The following POSTN variants were observed in gnomAD, a reference collection of about 807,000 sequenced individuals.
POSTN encodes the protein osteoblast specific factor 2 (fasciclin I-like).
In POSTN, 71 loss-of-function variants were observed where a neutral mutation model predicts 104.5. The ratio of observed to expected loss-of-function variants is 0.68; its 90% CI spans 0.56 to 0.83. The LOEUF (loss-of-function observed/expected upper bound fraction) is 0.83, where lower values mean the gene tolerates loss of function less well. POSTN is among the 40% of genes least tolerant of loss of function. The probability of loss-of-function intolerance (pLI) is 0.00; values close to 1 mark genes in which losing one functional copy is unlikely to be tolerated. For synonymous variants in POSTN, 355 were observed against 340.7 expected (o/e 1.04, Z -0.46); for missense variants, 949 against 1,006.8 (o/e 0.94, Z 0.78).
At chr13:37,592,192 A>G (rs1287678837) in intron 2 of POSTN, 28 bp from the exon 3 acceptor site, 1 of 1,324,952 alleles carries the variant, frequency 7.5e-7, no homozygotes, top group Admixed American at 1.9e-5. Context: ...ATTAATATTA[A>G]AATGAGAAAC....
In POSTN at chr13:37,574,601, C is replaced by T. The variant is rs777855935; in HGVS notation, c.2060G>A (p.Gly687Asp). 1.1e-5 allele frequency: 17 copies of T among 1,598,094 alleles called. No homozygotes were observed. The highest frequency in any genetic ancestry group is 1.8e-4 in the Middle Eastern group (1 of 5,434). The change falls in exon 17 of 23, where the codon GGC becomes GAC. Residue 687 changes from glycine (G) to aspartate (D), a missense_variant. By Grantham distance (94) the Gly-to-Asp change is moderately conservative. Coordinates refer to ENST00000379747, the MANE Select transcript of POSTN (RefSeq NM_006475.3). ...AGTTTTGATAATAGGCTGAAGACTG[C>T]CTTCAATCACTTTAATTTTTGGTTC... ...VVEPKIKVIE[G>D]SLQPIIKTEG...
Position 37,574,371 on chromosome 13 carries a change from A to G in POSTN, c.2089+201T>C, listed in dbSNP as rs552916089. 2.0e-5 allele frequency among the ~76,000 whole-genome samples: 3 copies of G among 152,000 alleles called. No homozygotes were observed. In the South Asian group the frequency reaches 6.2e-4, roughly 31 times the overall value. On this transcript the variant is annotated intron_variant, in intron 17 of 22. Transcript: ENST00000379747. Reference sequence around the variant, plus strand: ...ATCAAGTACAAGCAAATGTACTGAAAGTATTAGGAATGCATCATCTACTTT... The same window carrying G: ...ATCAAGTACAAGCAAATGTACTGAAGGTATTAGGAATGCATCATCTACTTT...
In POSTN at chr13:37,579,108, A is replaced by G; in HGVS notation, c.1805T>C (p.Leu602Pro). 1 of 1,612,796 alleles carries G rather than the reference A, an allele frequency of 6.2e-7. No individual in the cohort carries two copies. Among genetic ancestry groups the G allele is most frequent in the Non-Finnish European group, 8.5e-7 (1 of 1,179,328 alleles). Reference protein sequence around the residue: ...KIFLKEVNDTLLVNELKSKES... With the variant: ...KIFLKEVNDTPLVNELKSKES... ...TTTTGATTTCAATTCATTCACCAGA[A>G]GTGTATCATTTACCTATCAAAATAG... The change falls in exon 14 of 23, where the codon CTT becomes CCT. Residue 602 changes from leucine to proline, a missense_variant. Physicochemically the swap from Leu to Pro is moderately conservative, Grantham distance 98. Transcript: ENST00000379747.
At chr13:37,575,009 A>G (rs2138219223) in intron 16 of POSTN, among the ~76,000 whole-genome samples, 1 of 152,168 alleles carries the variant, frequency 6.6e-6, no homozygotes, top group East Asian at 1.9e-4. Context: ...AAATATGATT[A>G]ATGTCATGCA....
chr13:37,577,391 G>A (rs1301316681), intron 16 of POSTN, among the ~76,000 whole-genome samples: 3 of 152,156 alleles, frequency 2.0e-5, no homozygotes, highest in Admixed American at 2.0e-4. Flanking sequence ...TGAACAACAA[G>A]TCTTGGCTAA....
intron 2 of POSTN, among the ~76,000 whole-genome samples, 178 bp downstream of exon 2, chr13:37,597,006 A>G (rs562386451): frequency 2.0e-4 from 31 of 152,302 alleles, no homozygotes; most frequent in African/African-American, 7.2e-4. Flanking sequence ...TAATAGTAAT[A>G]TTGGAGATGC....
intron 17 of POSTN, 58 bp from the exon 18 acceptor site, chr13:37,571,516 G>A (rs913927456): frequency 2.3e-5 from 29 of 1,270,520 alleles, no homozygotes; most frequent in African/African-American, 7.5e-5. Context: ...TAAATTTACC[G>A]GAATAGGACA....
chr13:37,582,065 T>G (rs774388416), intron 10 of POSTN, among the ~76,000 whole-genome samples: 2 of 152,236 alleles, frequency 1.3e-5, no homozygotes, highest in Non-Finnish European at 2.9e-5. Flanking sequence ...TAAAGTACTC[T>G]GCAAAGGAAA....
intron 21 of POSTN, among the ~76,000 whole-genome samples, chr13:37,567,928 A>G (rs1950163343): frequency 6.6e-6 from 1 of 152,272 alleles, no homozygotes; most frequent in African/African-American, 2.4e-5. Context: ...AAGCAATATA[A>G]ACTGATGCAG....
intron 2 of POSTN, among the ~76,000 whole-genome samples, chr13:37,593,869 T>C (rs1278682028): frequency 1.3e-5 from 2 of 151,710 alleles, no homozygotes; most frequent in Admixed American, 6.6e-5. Flanking sequence ...ATCTAGGATT[T>C]GTAGTCTGGT....
intron 21 of POSTN, chr13:37,565,434 T>G (rs995332011): frequency 6.6e-6 from 1 of 152,034 alleles, no homozygotes; most frequent in Non-Finnish European, 1.5e-5. Flanking sequence ...ACTTCTTTTA[T>G]ATGTATCATC....
intron 3 of POSTN, among the ~76,000 whole-genome samples, chr13:37,591,022 G>A (rs1219997857): frequency 2.6e-5 from 4 of 151,930 alleles, no homozygotes; most frequent in Non-Finnish European, 5.9e-5. Flanking sequence ...GATTTATCTG[G>A]TAATGTGCAG....
chr13:37,585,147 A>G (rs1950707810), intron 7 of POSTN, among the ~76,000 whole-genome samples: 1 of 152,232 alleles, frequency 6.6e-6, no homozygotes. Context: ...AGAGGAGATC[A>G]GCTTCAGGAA....
At chr13:37,594,731 C>T (rs1951037320) in intron 2 of POSTN, among the ~76,000 whole-genome samples, 1 of 148,728 alleles carries the variant, frequency 6.7e-6, no homozygotes, top group African/African-American at 2.5e-5. Flanking sequence ...TAGGCCTGCT[C>T]AGTTTACTTT....
Position 37,580,255 on chromosome 13 carries a change from T to C in POSTN, c.1530-264A>G, listed in dbSNP as rs150346885. 2.2e-3 allele frequency among the ~76,000 whole-genome samples: 341 copies of C among 152,332 alleles called. 3 individuals carry two copies. Among genetic ancestry groups the C allele is most frequent in the African/African-American group, 7.9e-3 (327 of 41,582 alleles). On this transcript the variant is annotated intron_variant, in intron 11 of 22. Transcript: ENST00000379747. The stretch of plus-strand genomic sequence containing the variant: ...TCACACATAACAAAAAAGAAGCATT[T>C]TTATCATGTAATACTCTACAAGATA...
chr13:37,579,808 G>A (rs1252014231), intron 12 of POSTN, 53 bp downstream of exon 12: 1 of 1,572,564 alleles, frequency 6.4e-7, no homozygotes, highest in Middle Eastern at 1.7e-4. Flanking sequence ...GCTTGAGAAA[G>A]AAGTGAGATC....
At chr13:37,582,536 A>G in intron 9 of POSTN, 22 bp from the exon 10 acceptor site, 6 of 1,573,090 alleles carry the variant, frequency 3.8e-6, no homozygotes, top group Non-Finnish European at 5.2e-6. Context: ...TTCATTAAGA[A>G]AGAGCATTAT....
rs980272378 is a variant in POSTN, at chr13:37,582,432, C to A, written c.1326G>T (p.Glu442Asp). ...TTTCCAGTATTTGCCCGTTGTAAAG[C>A]TCATTAAGGCCAACTTTTACTTTCA... ...HILKVKVGLNELYNGQILETI... is the reference protein window; with the variant it reads ...HILKVKVGLNDLYNGQILETI... The change falls in exon 10 of 23, where the codon GAG (glutamate) becomes GAT (aspartate). Residue 442 changes from glutamate to aspartate, a missense_variant. By Grantham distance (45) the Glu-to-Asp change is conservative. Transcript: ENST00000379747. 6.2e-7 allele frequency: 1 copy of A among 1,613,832 alleles called. No individual in the cohort carries two copies. The highest frequency in any genetic ancestry group is 1.7e-5 in the Admixed American group (1 of 59,982).
At chr13:37,564,079 C>T (rs1251869013) in intron 22 of POSTN, among the ~76,000 whole-genome samples, 1 of 149,966 alleles carries the variant, frequency 6.7e-6, no homozygotes, top group South Asian at 2.1e-4. Flanking sequence ...TTCAGGTCCA[C>T]CTGCAATCTA....
Sources: gnomAD v4.1 joint callset for allele counts (sites outside exome capture counted in the v4.1 genomes callset) on GRCh38, gnomAD v4.1.1 for gene constraint, MANE v1.5 for transcripts, NCBI Gene and HGNC (gene_info 2026-07-23, HGNC 2026-07-21) for gene names.